Variants in MAST4 observed in about 807,000 individuals in gnomAD.
MAST4 encodes the protein microtubule-associated serine/threonine-protein kinase 4.
A neutral mutation model predicts 162.7 loss-of-function variants in MAST4; 89 were observed. The observed-to-expected ratio is 0.55, with a 90% CI of 0.46 to 0.65. The LOEUF is 0.65. Among genes scored for constraint, MAST4 ranks in the 30% least tolerant of loss-of-function variants. The pLI is 0.00. For synonymous variants in MAST4, 1,479 were observed against 1,361.1 expected (o/e 1.09, Z -1.91); for missense variants, 3,153 against 3,374.0 (o/e 0.93, Z 1.62).
chr5:66,714,520 C>T (rs992412440), intron 1 of MAST4, among the ~76,000 whole-genome samples: 2 of 152,194 alleles, frequency 1.3e-5, no homozygotes, highest in East Asian at 1.9e-4. Context: ...CACAGTGATT[C>T]GAGTCATTGT....
intron 4 of MAST4, among the ~76,000 whole-genome samples, chr5:66,948,440 T>C (rs747902794): frequency 6.6e-6 from 1 of 152,154 alleles, no homozygotes; most frequent in Non-Finnish European, 1.5e-5. Flanking sequence ...TGTGCTCTTA[T>C]ACTTCTTTTC....
At chr5:66,955,441 G>A (rs1745197615) in intron 4 of MAST4, among the ~76,000 whole-genome samples, 1 of 152,168 alleles carries the variant, frequency 6.6e-6, no homozygotes, top group Admixed American at 6.5e-5. Context: ...GGATGTGGAG[G>A]TGTGGTATGA....
chr5:67,090,140 T>A, intron 5 of MAST4, 22 bp from the exon 6 acceptor site: 1 of 1,532,302 alleles, frequency 6.5e-7, no homozygotes, highest in African/African-American at 1.4e-5. Context: ...GTAGTAAATT[T>A]CTCTCTTTTC....
intron 4 of MAST4, among the ~76,000 whole-genome samples, chr5:66,952,282 T>C (rs1476927877): frequency 2.0e-5 from 3 of 152,154 alleles, no homozygotes; most frequent in Non-Finnish European, 2.9e-5. Context: ...AGTCATGTCT[T>C]AGTAATTTTG....
chr5:66,668,842 C>T (rs988417891), intron 1 of MAST4, among the ~76,000 whole-genome samples: 5 of 152,144 alleles, frequency 3.3e-5, no homozygotes, highest in African/African-American at 4.8e-5. Context: ...GGAAACCTGG[C>T]TTTGACCATA....
chr5:66,605,095 C>T (rs1029752327), intron 1 of MAST4, among the ~76,000 whole-genome samples: 1 of 152,186 alleles, frequency 6.6e-6, no homozygotes, highest in Admixed American at 6.5e-5. Context: ...TCCCTATAAG[C>T]ATATCTACCT....
At chr5:66,844,355 A>C (rs147913701) in intron 3 of MAST4, among the ~76,000 whole-genome samples, 220 of 152,238 alleles carry the variant, frequency 1.4e-3, no homozygotes, top group Non-Finnish European at 1.5e-3. Flanking sequence ...CACTTTGGAC[A>C]TAGTATAAGA....
At chr5:66,911,912 C>T (rs1763803015) in intron 4 of MAST4, among the ~76,000 whole-genome samples, 1 of 152,044 alleles carries the variant, frequency 6.6e-6, no homozygotes, top group Non-Finnish European at 1.5e-5. Context: ...TTTGGTGTGT[C>T]ATAGAGATAA....
chr5:66,722,023 C>T (rs1751242595), intron 1 of MAST4, among the ~76,000 whole-genome samples: 2 of 152,064 alleles, frequency 1.3e-5, no homozygotes, highest in African/African-American at 4.8e-5. Flanking sequence ...GCTGTAGTCT[C>T]CTAAGTTGTC....
rs1229922478 is a variant in MAST4, at chr5:66,936,122, C to G, written c.674+36140C>G. 2.6e-5 allele frequency among the ~76,000 whole-genome samples: 4 copies of G among 152,164 alleles called. No homozygotes were observed. In the South Asian group the frequency reaches 8.3e-4, roughly 31 times the overall value. ...CTTTATCACTTCTTTGACAGTTCCC[C>G]TATTTTCTTGTCTTTGTGTTATTCT... On this transcript the variant is annotated intron_variant, in intron 4 of 28. Transcript: ENST00000403625.
At chr5:66,741,388 A>G (rs1414033396) in intron 1 of MAST4, among the ~76,000 whole-genome samples, 1 of 152,194 alleles carries the variant, frequency 6.6e-6, no homozygotes, top group African/African-American at 2.4e-5. Context: ...GTGAATTTAT[A>G]TAAATCAGGC....
At chr5:67,074,833 A>G (rs1282781769) in intron 5 of MAST4, among the ~76,000 whole-genome samples, 6 of 152,224 alleles carry the variant, frequency 3.9e-5, no homozygotes, top group Non-Finnish European at 8.8e-5. Flanking sequence ...ATCCTCTGCC[A>G]TGATCATCTG....
chr5:67,139,696 A>C lies in MAST4; in HGVS notation c.2495-2419A>C, dbSNP rs143179138. Among the ~76,000 whole-genome samples the C allele has an allele frequency of 5.6e-3, 859 of 152,328 alleles. 9 individuals are homozygous for C. The highest frequency in any genetic ancestry group is 0.018 in the African/African-American group (751 of 41,560). On this transcript the variant is annotated intron_variant, in intron 19 of 28. Coordinates refer to ENST00000403625, the MANE Select transcript of MAST4 (RefSeq NM_001164664.2). Reference sequence around the variant, plus strand: ...AATGTTTCTTTTACCTTCATAATGAATTCTTACAATGAGAACTATCATTTG... The same window carrying C: ...AATGTTTCTTTTACCTTCATAATGACTTCTTACAATGAGAACTATCATTTG...
intron 4 of MAST4, among the ~76,000 whole-genome samples, chr5:67,022,602 G>A (rs1754122520): frequency 6.6e-6 from 1 of 152,108 alleles, no homozygotes; most frequent in Non-Finnish European, 1.5e-5. Flanking sequence ...AACTTCTGGA[G>A]TTTCATTACT....
At chr5:66,852,803 C>T (rs1759408948) in intron 3 of MAST4, among the ~76,000 whole-genome samples, 2 of 152,138 alleles carry the variant, frequency 1.3e-5, no homozygotes, top group African/African-American at 4.8e-5. Context: ...CAAAGGATAT[C>T]CTAATGAAAT....
At chr5:66,974,171 T>C (rs978473287) in intron 4 of MAST4, among the ~76,000 whole-genome samples, 18 of 152,344 alleles carry the variant, frequency 1.2e-4, no homozygotes, top group African/African-American at 4.1e-4. Context: ...ATGTTTCTTA[T>C]AGCGAATATC....
At chr5:66,845,551 T>C (rs990225596) in intron 3 of MAST4, among the ~76,000 whole-genome samples, 5 of 152,132 alleles carry the variant, frequency 3.3e-5, no homozygotes, top group African/African-American at 4.8e-5. Flanking sequence ...TCTTTGCTAT[T>C]GTGAATAGTG....
intron 3 of MAST4, among the ~76,000 whole-genome samples, chr5:66,871,977 T>G (rs986600711): frequency 2.0e-5 from 3 of 152,310 alleles, no homozygotes; most frequent in Admixed American, 6.5e-5. Flanking sequence ...ACATCTGCCA[T>G]GTGAGCAGCA....
chr5:66,741,846 C>T (rs1047642699), intron 1 of MAST4, among the ~76,000 whole-genome samples: 10 of 152,180 alleles, frequency 6.6e-5, no homozygotes, highest in African/African-American at 2.2e-4. Context: ...TAAATCAGAG[C>T]TGTTCTTTCA....
Sources: allele counts gnomAD v4.1 joint callset (sites outside exome capture counted in the v4.1 genomes callset), GRCh38; gene constraint gnomAD v4.1.1; transcripts MANE v1.5; gene names NCBI Gene and HGNC (gene_info 2026-07-23, HGNC 2026-07-21).